Variants in ZSWIM5 observed in about 807,000 individuals in gnomAD.
ZSWIM5 encodes the protein zinc finger SWIM-type containing 5, also known as zinc finger SWIM domain-containing protein 5.
A neutral mutation model predicts 119.6 loss-of-function variants in ZSWIM5; 55 were observed. The ratio of observed to expected loss-of-function variants is 0.46; its 90% CI spans 0.37 to 0.58. The LOEUF (loss-of-function observed/expected upper bound fraction) is 0.58, where lower values mean the gene tolerates loss of function less well. Among genes scored for constraint, ZSWIM5 ranks in the 20% least tolerant of loss-of-function variants. ZSWIM5 has a pLI of 0.00. For synonymous variants in ZSWIM5, 537 were observed against 606.9 expected (o/e 0.88, Z 1.69); for missense variants, 1,193 against 1,512.8 (o/e 0.79, Z 3.51).
chr1:45,091,871 T>C (rs1645366107), intron 1 of ZSWIM5, among the ~76,000 whole-genome samples: 1 of 152,118 alleles, frequency 6.6e-6, no homozygotes, highest in Non-Finnish European at 1.5e-5. Flanking sequence ...TCAATAATTA[T>C]CTTAGTAGGA....
chr1:45,129,153 G>GTTTTTTTTTT (rs869042927), intron 1 of ZSWIM5, among the ~76,000 whole-genome samples: 5 of 70,162 alleles, frequency 7.1e-5, no homozygotes, highest in Admixed American at 2.0e-4. Context: ...CATACATCTT[G>GTTTTTTTTTT]TTTTTTTTTT....
intron 1 of ZSWIM5, among the ~76,000 whole-genome samples, chr1:45,191,009 C>A (rs954974052): frequency 7.9e-6 from 1 of 126,426 alleles, no homozygotes; most frequent in Non-Finnish European, 1.6e-5. Flanking sequence ...TGCAGTGGCG[C>A]TATCTCCTCT....
chr1:45,159,255 C>T (rs982169013), intron 1 of ZSWIM5, among the ~76,000 whole-genome samples: 2 of 151,940 alleles, frequency 1.3e-5, no homozygotes, highest in East Asian at 3.8e-4. Context: ...TGCTTTATTG[C>T]TTTCTGTTCC....
intron 11 of ZSWIM5, among the ~76,000 whole-genome samples, chr1:45,025,774 C>T (rs909805166): frequency 2.0e-5 from 3 of 152,028 alleles, no homozygotes; most frequent in Non-Finnish European, 2.9e-5. Flanking sequence ...ATGTACAATC[C>T]CTTCCTTTCC....
chr1:45,127,563 T>G (rs753889774), intron 1 of ZSWIM5, among the ~76,000 whole-genome samples: 1 of 151,878 alleles, frequency 6.6e-6, no homozygotes, highest in Non-Finnish European at 1.5e-5. Context: ...CCTGGGTAGC[T>G]GGGCCTACAG....
intron 1 of ZSWIM5, among the ~76,000 whole-genome samples, chr1:45,116,072 G>A (rs192887184): frequency 6.6e-6 from 1 of 152,126 alleles, no homozygotes; most frequent in East Asian, 1.9e-4. Flanking sequence ...GTCCAGCCTC[G>A]GCTGGGCATC....
At chr1:45,184,455 A>G (rs1274073354) in intron 1 of ZSWIM5, among the ~76,000 whole-genome samples, 3 of 152,222 alleles carry the variant, frequency 2.0e-5, no homozygotes, top group Admixed American at 6.5e-5. Flanking sequence ...GAGGAAGTCA[A>G]ATTGTCCCTG....
chr1:45,171,439 A>AATAT (rs2149045369), intron 1 of ZSWIM5, among the ~76,000 whole-genome samples: 3 of 152,254 alleles, frequency 2.0e-5, no homozygotes, highest in African/African-American at 7.2e-5. Flanking sequence ...CTACAGTGGT[A>AATAT]GGTAACTGAC....
intron 1 of ZSWIM5, among the ~76,000 whole-genome samples, chr1:45,140,237 A>T (rs1431318593): frequency 6.6e-6 from 1 of 152,218 alleles, no homozygotes; most frequent in Non-Finnish European, 1.5e-5. Context: ...TTCTGTGAAT[A>T]AAGTTTTATT....
At chr1:45,186,703 G>A (rs1646061436) in intron 1 of ZSWIM5, among the ~76,000 whole-genome samples, 1 of 152,064 alleles carries the variant, frequency 6.6e-6, no homozygotes, top group Admixed American at 6.5e-5. Flanking sequence ...CCTCCCGGGT[G>A]CTTCTGCCAC....
intron 1 of ZSWIM5, among the ~76,000 whole-genome samples, chr1:45,174,172 G>A (rs1175990200): frequency 6.6e-6 from 1 of 152,070 alleles, no homozygotes; most frequent in Non-Finnish European, 1.5e-5. Flanking sequence ...CTACTCAGGA[G>A]GCTGAGGCAG....
chr1:45,084,073 C>A (rs1352529423), intron 2 of ZSWIM5, among the ~76,000 whole-genome samples: 4 of 152,160 alleles, frequency 2.6e-5, no homozygotes, highest in African/African-American at 9.7e-5. Flanking sequence ...CAATGCCCAG[C>A]TAATTTTTGA....
At chr1:45,194,538 A>G (rs1303953214) in intron 1 of ZSWIM5, among the ~76,000 whole-genome samples, 1 of 152,134 alleles carries the variant, frequency 6.6e-6, no homozygotes, top group Non-Finnish European at 1.5e-5. Flanking sequence ...CTATGCACCA[A>G]AGTATTACGG....
At chr1:45,092,535 T>TCCCCC (rs1309993220) in intron 1 of ZSWIM5, among the ~76,000 whole-genome samples, 2 of 47,564 alleles carry the variant, frequency 4.2e-5, no homozygotes, top group Non-Finnish European at 8.5e-5. Flanking sequence ...GACCTCGTGA[T>TCCCCC]CCACCCCCCC....
intron 1 of ZSWIM5, among the ~76,000 whole-genome samples, chr1:45,095,889 G>T (rs1645398161): frequency 6.6e-6 from 1 of 151,538 alleles, no homozygotes; most frequent in African/African-American, 2.4e-5. Context: ...GTAAAATAAA[G>T]AAAAAAAACA....
chr1:45,195,720 C>A (rs1281005341), intron 1 of ZSWIM5, among the ~76,000 whole-genome samples: 2 of 152,006 alleles, frequency 1.3e-5, no homozygotes, highest in Non-Finnish European at 2.9e-5. Flanking sequence ...TTTTCCTTCA[C>A]ATCCATTAAT....
chr1:45,053,441 C>T (rs1645101434), intron 4 of ZSWIM5, among the ~76,000 whole-genome samples: 1 of 151,962 alleles, frequency 6.6e-6, no homozygotes, highest in African/African-American at 2.4e-5. Context: ...TGGAGGAGTT[C>T]CAATTTCCTA....
At chr1:45,190,940 T>TC (rs1387584976) in intron 1 of ZSWIM5, among the ~76,000 whole-genome samples, 1 of 100,222 alleles carries the variant, frequency 1.0e-5, no homozygotes, top group African/African-American at 3.6e-5. Context: ...TTTTTTTTTT[T>TC]TTTTTTTTTT....
At chr1:45,051,619 G>A (rs1035267407) in intron 4 of ZSWIM5, among the ~76,000 whole-genome samples, 1 of 152,264 alleles carries the variant, frequency 6.6e-6, no homozygotes, top group African/African-American at 2.4e-5. Context: ...GAGGGAGACA[G>A]ATAAATAAAC....
Sources: gnomAD v4.1 joint callset for allele counts (sites outside exome capture counted in the v4.1 genomes callset) on GRCh38, gnomAD v4.1.1 for gene constraint, MANE v1.5 for transcripts, NCBI Gene and HGNC (gene_info 2026-07-23, HGNC 2026-07-21) for gene names.